The following ZDHHC3 variants were observed in gnomAD, a reference collection of about 807,000 sequenced individuals.
ZDHHC3 encodes the protein palmitoyltransferase ZDHHC3.
ZDHHC3 carries 9 observed loss-of-function variants against 30.6 expected under a neutral mutation model. That is an observed-to-expected ratio of 0.29 (90% CI 0.18 to 0.51). The LOEUF is 0.51. Ranked by LOEUF, ZDHHC3 falls within the 20% of genes least tolerant of loss-of-function variation. The pLI is 0.97. For missense variants in ZDHHC3, 246 were observed against 384.2 expected, an observed-to-expected ratio of 0.64 and a Z score of 3.01; for synonymous variants, 136 against 140.2, an observed-to-expected ratio of 0.97 and a Z score of 0.21.
chr3:44,939,850 C>T (rs897586767), intron 3 of ZDHHC3, among the ~76,000 whole-genome samples: 3 of 152,190 alleles, frequency 2.0e-5, no homozygotes, highest in African/African-American at 7.2e-5. Context: ...TGCTGAGGGC[C>T]ACAAGTGTTG....
chr3:44,963,735 A>G (rs1704684054), intron 1 of ZDHHC3, among the ~76,000 whole-genome samples: 1 of 152,186 alleles, frequency 6.6e-6, no homozygotes, highest in African/African-American at 2.4e-5. Flanking sequence ...CAGGGCCCCG[A>G]AGATGGGCCC....
intron 3 of ZDHHC3, chr3:44,937,880 G>T: frequency 4.1e-6 from 2 of 482,356 alleles, no homozygotes; most frequent in Admixed American, 2.1e-5. Context: ...AGAAAAGATA[G>T]GCCCAGATTG....
rs761809410 is a variant in ZDHHC3, at chr3:44,959,921, C to G, written c.-24-461G>C. Among the ~76,000 whole-genome samples the G allele has an allele frequency of 3.4e-5, 5 of 146,686 alleles. No homozygotes were observed. Among genetic ancestry groups the G allele is most frequent in the Non-Finnish European group, 7.5e-5 (5 of 66,882 alleles). On this transcript the variant is annotated intron_variant, in intron 1 of 6. Coordinates refer to ENST00000424952, the MANE Select transcript of ZDHHC3 (RefSeq NM_001135179.2). This position sits in a 1 kb window ranked among gnomAD's most constrained non-coding sequence, Gnocchi z 4.3. ...GAACTACAGGCACGCACCACCACAC[C>G]TGGCTAATTTTTATATTTTTTTGTA...
At chr3:44,929,154 C>G in intron 6 of ZDHHC3, 152 bp downstream of exon 6, 3 of 1,042,002 alleles carry the variant, frequency 2.9e-6, no homozygotes, top group Non-Finnish European at 4.1e-6. Flanking sequence ...GAAGATGACC[C>G]AAGTGTAACT....
intron 1 of ZDHHC3, among the ~76,000 whole-genome samples, chr3:44,969,445 C>T (rs1705227449): frequency 6.6e-6 from 1 of 152,212 alleles, no homozygotes; most frequent in Admixed American, 6.5e-5. Context: ...TGCCTACAAC[C>T]ATACTTCCAG....
rs1348660996 is a variant in ZDHHC3, at chr3:44,923,057, C to T, written c.*3632G>A. The T allele has an allele frequency of 1.0e-6, 1 of 983,842 alleles. No individual in the cohort carries two copies. Among genetic ancestry groups the T allele is most frequent in the Non-Finnish European group, 1.2e-6 (1 of 829,792 alleles). The allele number at this position is 983,842 out of a possible 1,614,324, so 60.9% of individuals were successfully genotyped here. ...AGAGGAGTTTCTGTGTAATGCCAACCTCACATACATGTTTAAAATGTTTGT... is the reference window on the plus strand; with the variant it reads ...AGAGGAGTTTCTGTGTAATGCCAACTTCACATACATGTTTAAAATGTTTGT... On this transcript the variant is annotated 3_prime_UTR_variant, in exon 7 of 7. Transcript: ENST00000424952.
Position 44,919,834 on chromosome 3 carries a change from T to C in ZDHHC3, c.*6855A>G. The C allele has an allele frequency of 1.0e-6, 1 of 1,001,068 alleles. No homozygotes were observed. The highest frequency in any genetic ancestry group is 5.1e-4 in the Middle Eastern group (1 of 1,962). 62.0% of individuals were successfully genotyped at this position (1,001,068 alleles called of 1,614,324 possible). A position where few individuals can be genotyped will look rare whatever the true frequency, so the allele number is the denominator to read the frequency against. On this transcript the variant is annotated 3_prime_UTR_variant, in exon 7 of 7. Transcript: ENST00000424952. ...TTTTGTCACATTTTTGTAAGTCTGA[T>C]TTCACAAAAAGTTTAAAAATAATCA... is the stretch of plus-strand genomic sequence containing the variant.
chr3:44,932,992 T>C (rs755647063), intron 5 of ZDHHC3, 126 bp downstream of exon 5: 5 of 1,614,100 alleles, frequency 3.1e-6, no homozygotes, highest in Non-Finnish European at 2.5e-6. Context: ...GTCCATAGGC[T>C]TTCAGGAGAT....
chr3:44,917,148 C>T lies in ZDHHC3; in HGVS notation c.*9541G>A, dbSNP rs929850945. The T allele has an allele frequency of 6.6e-6, 1 of 152,400 alleles. No homozygotes were observed. Among genetic ancestry groups the T allele is most frequent in the Non-Finnish European group, 1.5e-5 (1 of 68,206 alleles). 9.4% of individuals were successfully genotyped at this position (152,400 alleles called of 1,614,324 possible). A position where few individuals can be genotyped will look rare whatever the true frequency, so the allele number is the denominator to read the frequency against. ...GGCAGGACAGCTCCCAGCTGTCTCG[C>T]TCAGTGAAGACTCCAGTGTCTGTGG... On this transcript the variant is annotated 3_prime_UTR_variant, in exon 7 of 7. Coordinates refer to ENST00000424952, the MANE Select transcript of ZDHHC3 (RefSeq NM_001135179.2).
intron 5 of ZDHHC3, among the ~76,000 whole-genome samples, chr3:44,929,692 G>A (rs1013339179): frequency 3.3e-5 from 5 of 152,192 alleles, no homozygotes; most frequent in Admixed American, 2.6e-4. Context: ...ATCATTCCTT[G>A]TTCACTGCCC....
intron 2 of ZDHHC3, among the ~76,000 whole-genome samples, chr3:44,955,223 T>C (rs974401576): frequency 6.6e-6 from 1 of 152,146 alleles, no homozygotes; most frequent in African/African-American, 2.4e-5. Flanking sequence ...TTTGCCCTAT[T>C]TCTCAAACGG....
intron 1 of ZDHHC3, among the ~76,000 whole-genome samples, chr3:44,963,829 C>A (rs925268181): frequency 6.6e-6 from 1 of 152,190 alleles, no homozygotes; most frequent in Non-Finnish European, 1.5e-5. Flanking sequence ...TTCACCCCGG[C>A]CCCTTGCCCT....
rs1465251860 is a variant in ZDHHC3 at position 44,916,994 on chromosome 3, GT to G, written c.*9694del. On this transcript the variant is annotated 3_prime_UTR_variant, in exon 7 of 7. Coordinates refer to ENST00000424952, the MANE Select transcript of ZDHHC3 (RefSeq NM_001135179.2). Reference sequence around the variant, plus strand: ...GGTTTATGGTCAGTTCTACCTACATGTGTTATTAGACTCCCTCCAAGAGGTA... The same window carrying G: ...GGTTTATGGTCAGTTCTACCTACATGGTTATTAGACTCCCTCCAAGAGGTA... 6.6e-6 allele frequency: 1 copy of G among 152,200 alleles called. No individual in the cohort carries two copies. The highest frequency in any genetic ancestry group is 1.5e-5 in the Non-Finnish European group (1 of 68,028). 9.4% of individuals were successfully genotyped at this position (152,200 alleles called of 1,614,324 possible).
intron 2 of ZDHHC3, among the ~76,000 whole-genome samples, chr3:44,945,921 T>C (rs1702890374): frequency 6.6e-6 from 1 of 152,212 alleles, no homozygotes; most frequent in Admixed American, 6.5e-5. Flanking sequence ...TATTTTCATT[T>C]TACTGGAATT....
Position 44,923,978 on chromosome 3 carries a change from TG to T in ZDHHC3, c.*2710del. 1.5e-5 allele frequency: 15 copies of T among 985,466 alleles called. No homozygotes were observed. Among genetic ancestry groups the T allele is most frequent in the Non-Finnish European group, 1.8e-5 (15 of 829,936 alleles). The allele number at this position is 985,466 out of a possible 1,614,324, so 61.0% of individuals were successfully genotyped here. A position where few individuals can be genotyped will look rare whatever the true frequency, so the allele number is the denominator to read the frequency against. Reference sequence around the variant, plus strand: ...AAGCCTTTTGCATATTCAGTCTAGTTGCTATGAACACAAACCTGACAGAGTT... The same window carrying T: ...AAGCCTTTTGCATATTCAGTCTAGTTCTATGAACACAAACCTGACAGAGTT... On this transcript the variant is annotated 3_prime_UTR_variant, in exon 7 of 7. Coordinates refer to ENST00000424952, the MANE Select transcript of ZDHHC3 (RefSeq NM_001135179.2).
At chr3:44,941,918 A>G (rs1702474708) in intron 3 of ZDHHC3, among the ~76,000 whole-genome samples, 1 of 152,250 alleles carries the variant, frequency 6.6e-6, no homozygotes, top group African/African-American at 2.4e-5. Context: ...GGCCATCCAC[A>G]TTAGCATAAA....
chr3:44,923,661 G>C lies in ZDHHC3; in HGVS notation c.*3028C>G, dbSNP rs1700772822. 1.3e-6 allele frequency: 1 copy of C among 788,082 alleles called. No individual in the cohort carries two copies. The highest frequency in any genetic ancestry group is 1.9e-5 in the African/African-American group (1 of 53,080). 48.8% of individuals were successfully genotyped at this position (788,082 alleles called of 1,614,324 possible). ...TATTAAAAAACAAAAAAATTAGCCA[G>C]GCATGGTAGTACGTGCCTGTAGCCC... On this transcript the variant is annotated 3_prime_UTR_variant, in exon 7 of 7. Transcript: ENST00000424952.
In ZDHHC3 at chr3:44,918,282, G is replaced by A. The variant is rs1700343580; in HGVS notation, c.*8407C>T. On this transcript the variant is annotated 3_prime_UTR_variant, in exon 7 of 7. Coordinates refer to ENST00000424952, the MANE Select transcript of ZDHHC3 (RefSeq NM_001135179.2). ...GGCATGGGTAAGATGGGGTCTGAGT[G>A]GGCAGTCTGTTGTGGCCCAGGTCAC... 2.5e-6 allele frequency: 3 copies of A among 1,198,526 alleles called. No homozygotes were observed. Among genetic ancestry groups the A allele is most frequent in the Non-Finnish European group, 3.2e-6 (3 of 944,356 alleles). The allele number at this position is 1,198,526 out of a possible 1,614,324, so 74.2% of individuals were successfully genotyped here. A position where few individuals can be genotyped will look rare whatever the true frequency, so the allele number is the denominator to read the frequency against.
chr3:44,956,329 T>C (rs151145793), intron 2 of ZDHHC3, among the ~76,000 whole-genome samples: 2,739 of 152,250 alleles, frequency 0.018, 41 homozygotes, highest in Middle Eastern at 0.085. Flanking sequence ...CTAGCATCTC[T>C]CCTTGCACAT....
Sources: gnomAD v4.1 joint callset for allele counts (sites outside exome capture counted in the v4.1 genomes callset) on GRCh38, gnomAD v4.1.1 for gene constraint, Gnocchi (gnomAD v3.1) non-coding constraint, MANE v1.5 for transcripts, NCBI Gene and HGNC (gene_info 2026-07-23, HGNC 2026-07-21) for gene names.